TNN: variants seen among roughly 807,000 people sequenced by gnomAD.
TNN encodes tenascin-N.
In TNN, 122 loss-of-function variants were observed where a neutral mutation model predicts 134.4. That is an observed-to-expected ratio of 0.91 (90% CI 0.78 to 1.06). The LOEUF is 1.06. Ranked by LOEUF, TNN falls within the 50% of genes least tolerant of loss-of-function variation. The pLI is 0.00. For missense variants in TNN, 1,739 were observed against 1,699.4 expected (o/e 1.02, Z -0.41); for synonymous variants, 710 against 670.3 (o/e 1.06, Z -0.91).
At chr1:175,094,687 G>A (rs968916354) in intron 7 of TNN, among the ~76,000 whole-genome samples, 1 of 152,176 alleles carries the variant, frequency 6.6e-6, no homozygotes, top group Non-Finnish European at 1.5e-5. Flanking sequence ...TTTACTAAAT[G>A]GACCAATTCT....
intron 13 of TNN, 137 bp from the exon 14 acceptor site, chr1:175,127,895 C>A: frequency 9.6e-7 from 1 of 1,041,984 alleles, no homozygotes; most frequent in Non-Finnish European, 1.4e-6. Flanking sequence ...TGGGCTGCCA[C>A]TGAGGCTTCG....
At chr1:175,127,889 C>A in intron 13 of TNN, 143 bp from the exon 14 acceptor site, 1 of 921,336 alleles carries the variant, frequency 1.1e-6, no homozygotes, top group Admixed American at 2.1e-5. Context: ...CGATTCTGGG[C>A]TGCCACTGAG....
intron 16 of TNN, 85 bp downstream of exon 16, chr1:175,136,026 C>G: frequency 1.0e-6 from 1 of 978,878 alleles, no homozygotes. Flanking sequence ...GGGAAGCTCA[C>G]CACCTTCACA....
intron 6 of TNN, among the ~76,000 whole-genome samples, chr1:175,088,697 G>C (rs1341692745): frequency 1.3e-5 from 2 of 152,196 alleles, no homozygotes; most frequent in African/African-American, 2.4e-5. Context: ...GAAAACCCTT[G>C]CCATTATTTC....
intron 7 of TNN, among the ~76,000 whole-genome samples, chr1:175,095,206 TTCAGGGG>T (rs1674541481): frequency 6.6e-6 from 1 of 152,220 alleles, no homozygotes; most frequent in Non-Finnish European, 1.5e-5. Flanking sequence ...TGACCTCTTC[TTCAGGGG>T]AGCAGAGAAG....
At chr1:175,107,393 G>T (rs1186532183) in intron 9 of TNN, among the ~76,000 whole-genome samples, 2 of 144,006 alleles carry the variant, frequency 1.4e-5, no homozygotes, top group Non-Finnish European at 3.1e-5. Flanking sequence ...GTGGGTTCGT[G>T]GTCTCGCTGG....
In TNN at chr1:175,117,221, C is replaced by T. The variant is rs1055939316; in HGVS notation, c.2386+16C>T. ...GCCCAGACAGGTAAGGAGCATTGTT[C>T]TTTGGGAATATAAGAGCTTTCATGC... On this transcript the variant is annotated intron_variant, in intron 10 of 18. Coordinates refer to ENST00000239462, the MANE Select transcript of TNN (RefSeq NM_022093.2). 1 of 1,610,610 alleles carries T rather than the reference C, an allele frequency of 6.2e-7. No individual in the cohort carries two copies. The highest frequency in any genetic ancestry group is 8.5e-7 in the Non-Finnish European group (1 of 1,179,156).
Position 175,126,963 on chromosome 1 carries a change from C to T in TNN, c.2923C>T (p.Pro975Ser). ...ADTKAQTELD[P>S]PRNLRPSAVT... ...TGACTTTCTACGTACAGAACTCGAC[C>T]CTCCCAGAAACCTTCGTCCATCTGC... is the stretch of plus-strand genomic sequence containing the variant. Residue 975 changes from proline to serine, a missense_variant, in exon 13 of 19, where the codon CCT becomes TCT. Coordinates refer to ENST00000239462, the MANE Select transcript of TNN (RefSeq NM_022093.2). 1 of 1,611,818 alleles carries T rather than the reference C, an allele frequency of 6.2e-7. No individual in the cohort carries two copies. The highest frequency in any genetic ancestry group is 8.5e-7 in the Non-Finnish European group (1 of 1,179,360).
Position 175,097,624 on chromosome 1 carries a change from A to T in TNN, c.1796A>T (p.His599Leu). 1 of 1,614,228 alleles carries T rather than the reference A, an allele frequency of 6.2e-7. No homozygotes were observed. Residue 599 changes from histidine to leucine, a missense_variant, in exon 8 of 19, where the codon CAT (histidine) becomes CTT (leucine). His to Leu is a moderately conservative substitution (Grantham distance 99). Transcript: ENST00000239462. ...GLRPGVEYTV[H>L]VWAQKGDRES... is the part of the protein sequence containing the mutation. ...AGGCCAGGTGTGGAGTACACAGTGC[A>T]TGTCTGGGCCCAGAAGGGGGACCGA...
intron 15 of TNN, among the ~76,000 whole-genome samples, chr1:175,135,167 T>G (rs1675767007): frequency 6.6e-6 from 1 of 152,208 alleles, no homozygotes; most frequent in Non-Finnish European, 1.5e-5. Flanking sequence ...CTCTTACAGT[T>G]CTGTTGCATC....
In TNN at chr1:175,123,461, C is replaced by T. The variant is rs1479031398; in HGVS notation, c.2712C>T (p.Ser904=). ...DWVTENMATV[S]WDPVQATIDK... is the part of the protein sequence containing the mutation. ...TGACGGAGAATATGGCCACTGTCTCCTGGGACCCGGTTCAGGCCACCATTG... is the reference window on the plus strand; with the variant it reads ...TGACGGAGAATATGGCCACTGTCTCTTGGGACCCGGTTCAGGCCACCATTG... Residue 904 remains serine, a synonymous_variant, in exon 12 of 19, where the codon TCC becomes TCT. Coordinates refer to ENST00000239462, the MANE Select transcript of TNN (RefSeq NM_022093.2). 1 of 1,614,250 alleles carries T rather than the reference C, an allele frequency of 6.2e-7. No individual in the cohort carries two copies. The highest frequency in any genetic ancestry group is 8.5e-7 in the Non-Finnish European group (1 of 1,180,044).
At position 175,077,839 on chromosome 1, in the gene TNN, A is replaced by T; in HGVS notation, c.409+12A>T. 1.9e-6 allele frequency: 3 copies of T among 1,602,442 alleles called. No individual in the cohort carries two copies. The highest frequency in any genetic ancestry group is 1.7e-6 in the Non-Finnish European group (2 of 1,171,102). ...CCAGGGAGTCACTGGTGAGCTCACCACCTGGTATTCATTCAACAAACATTT... is the reference window on the plus strand; with the variant it reads ...CCAGGGAGTCACTGGTGAGCTCACCTCCTGGTATTCATTCAACAAACATTT... On this transcript the variant is annotated intron_variant, in intron 2 of 18. Transcript: ENST00000239462.
chr1:175,086,740 A>G (rs1252767756), intron 6 of TNN, among the ~76,000 whole-genome samples: 2 of 152,222 alleles, frequency 1.3e-5, no homozygotes, highest in Non-Finnish European at 2.9e-5. Context: ...AATGGAGAAC[A>G]TATAACTTAA....
chr1:175,131,365 G>A (rs111776540), intron 15 of TNN, among the ~76,000 whole-genome samples: 1 of 152,148 alleles, frequency 6.6e-6, no homozygotes, highest in Non-Finnish European at 1.5e-5. Context: ...GTCATTCAGG[G>A]CATTGAGTAA....
intron 9 of TNN, among the ~76,000 whole-genome samples, chr1:175,112,635 T>TTTTTTTTTTTTTG (rs1675062111): frequency 7.5e-6 from 1 of 133,298 alleles, no homozygotes. Flanking sequence ...TTTTTTTTTT[T>TTTTTTTTTTTTTG]GAGGCAAAGC....
intron 17 of TNN, among the ~76,000 whole-genome samples, chr1:175,140,703 T>C (rs574253111): frequency 6.6e-6 from 1 of 152,378 alleles, no homozygotes; most frequent in East Asian, 1.9e-4. Context: ...TATTTTTTAA[T>C]AGAATTATTT....
At chr1:175,117,503 G>C (rs909643924) in intron 10 of TNN, among the ~76,000 whole-genome samples, 1 of 152,104 alleles carries the variant, frequency 6.6e-6, no homozygotes, top group East Asian at 1.9e-4. Flanking sequence ...GTGAGTTTGT[G>C]AGTGGGAACA....
At chr1:175,089,976 A>G (rs1674404752) in intron 6 of TNN, among the ~76,000 whole-genome samples, 1 of 152,218 alleles carries the variant, frequency 6.6e-6, no homozygotes, top group Admixed American at 6.5e-5. Context: ...ATACACAGCC[A>G]CCAACACACA....
chr1:175,082,087 T>C (rs1427594391), intron 4 of TNN, among the ~76,000 whole-genome samples: 2 of 152,236 alleles, frequency 1.3e-5, no homozygotes, highest in African/African-American at 4.8e-5. Context: ...TTATGTTCAA[T>C]AGGAGACACC....
Sources: allele counts gnomAD v4.1 joint callset (sites outside exome capture counted in the v4.1 genomes callset), GRCh38; gene constraint gnomAD v4.1.1; transcripts MANE v1.5; gene names NCBI Gene and HGNC (gene_info 2026-07-23, HGNC 2026-07-21).